SEMA5A: variants seen among roughly 807,000 people sequenced by gnomAD.
The protein encoded by SEMA5A is semaphorin 5A.
In SEMA5A, 55 loss-of-function variants were observed where a neutral mutation model predicts 135.5. That is an observed-to-expected ratio of 0.41 (90% CI 0.33 to 0.51). The LOEUF is 0.51. SEMA5A is among the 20% of genes least tolerant of loss of function. The probability of loss-of-function intolerance (pLI) is 0.37; values close to 1 mark genes in which losing one functional copy is unlikely to be tolerated. For missense variants in SEMA5A, 1,290 were observed against 1,419.9 expected (o/e 0.91, Z 1.47); for synonymous variants, 580 against 546.5 (o/e 1.06, Z -0.85).
intron 2 of SEMA5A, among the ~76,000 whole-genome samples, chr5:9,434,925 A>C (rs1295736157): frequency 6.6e-6 from 1 of 152,224 alleles, no homozygotes; most frequent in Non-Finnish European, 1.5e-5. Flanking sequence ...AAATTGCTTA[A>C]AGAAACACAA....
intron 5 of SEMA5A, among the ~76,000 whole-genome samples, chr5:9,251,446 G>T (rs1174791061): frequency 1.3e-5 from 2 of 152,080 alleles, no homozygotes; most frequent in Non-Finnish European, 2.9e-5. Context: ...CAGCTGTACT[G>T]TGTCTCAATT....
intron 4 of SEMA5A, among the ~76,000 whole-genome samples, chr5:9,331,183 A>C (rs1311958758): frequency 6.6e-6 from 1 of 152,206 alleles, no homozygotes; most frequent in Non-Finnish European, 1.5e-5. Context: ...TATTGCCTCC[A>C]AAAGAGTAAT....
intron 1 of SEMA5A, among the ~76,000 whole-genome samples, chr5:9,441,088 C>A (rs1344090404): frequency 1.3e-5 from 2 of 152,218 alleles, no homozygotes; most frequent in Non-Finnish European, 2.9e-5. Context: ...TCATCAGTCC[C>A]TCCGTTAATC....
chr5:9,107,884 T>C (rs1375447887), intron 16 of SEMA5A, among the ~76,000 whole-genome samples: 2 of 152,130 alleles, frequency 1.3e-5, no homozygotes, highest in Non-Finnish European at 2.9e-5. Context: ...ACATCCAGTG[T>C]CTGGACATGT....
chr5:9,536,602 G>C lies in SEMA5A; in HGVS notation c.-175+8982C>G, dbSNP rs200494273. On this transcript the variant is annotated intron_variant, in intron 1 of 22. Coordinates refer to ENST00000382496, the MANE Select transcript of SEMA5A (RefSeq NM_003966.3). ...CACTCCAGCCTGGAGAACAGAACAA[G>C]ACTCCGTCTCAAAAAAGAAAAAAAA... 2.1e-5 allele frequency among the ~76,000 whole-genome samples: 3 copies of C among 144,674 alleles called. No individual in the cohort carries two copies. The South Asian group carries it at 6.7e-4, about 32-fold the overall frequency. 94.9% of individuals were successfully genotyped at this position (144,674 alleles called of 152,430 possible).
At chr5:9,216,739 T>A (rs1055989479) in intron 8 of SEMA5A, among the ~76,000 whole-genome samples, 1 of 152,208 alleles carries the variant, frequency 6.6e-6, no homozygotes, top group Non-Finnish European at 1.5e-5. Context: ...ATGTAATGCC[T>A]GTCTTTGTCT....
At chr5:9,396,979 G>A (rs1183813613) in intron 2 of SEMA5A, among the ~76,000 whole-genome samples, 1 of 151,822 alleles carries the variant, frequency 6.6e-6, no homozygotes, top group African/African-American at 2.4e-5. Context: ...ATTATTATGT[G>A]TTACAAGCAT....
chr5:9,120,471 A>G (rs1348877404), intron 14 of SEMA5A, among the ~76,000 whole-genome samples: 2 of 152,138 alleles, frequency 1.3e-5, no homozygotes, highest in African/African-American at 2.4e-5. Context: ...AGCTTTATGT[A>G]TGATATTATA....
At chr5:9,202,395 A>G (rs527787717) in intron 8 of SEMA5A, among the ~76,000 whole-genome samples, 155 bp from the exon 9 acceptor site, 1 of 152,288 alleles carries the variant, frequency 6.6e-6, no homozygotes, top group East Asian at 1.9e-4. Flanking sequence ...CAGCTTAATG[A>G]TCTACACTGT....
chr5:9,477,035 G>T (rs1759695242), intron 1 of SEMA5A, among the ~76,000 whole-genome samples: 2 of 152,152 alleles, frequency 1.3e-5, no homozygotes, highest in African/African-American at 4.8e-5. Context: ...GGTAGGAGAT[G>T]ATTGGATCCT....
chr5:9,472,149 C>A (rs866590548), intron 1 of SEMA5A, among the ~76,000 whole-genome samples: 3 of 152,338 alleles, frequency 2.0e-5, no homozygotes, highest in Middle Eastern at 6.8e-3. Flanking sequence ...CTCATTGCTT[C>A]TATCTCTCAA....
intron 5 of SEMA5A, among the ~76,000 whole-genome samples, chr5:9,277,953 T>C (rs1409721559): frequency 1.3e-5 from 2 of 152,046 alleles, no homozygotes; most frequent in African/African-American, 4.8e-5. Context: ...GAACTTAAAG[T>C]ATAATAATAA....
intron 1 of SEMA5A, among the ~76,000 whole-genome samples, chr5:9,506,202 C>T (rs1397357836): frequency 4.6e-5 from 7 of 152,162 alleles, no homozygotes; most frequent in Non-Finnish European, 4.4e-5. Context: ...AATGGGGACA[C>T]TCTTTTAGCA....
chr5:9,289,900 T>C (rs1001290287), intron 5 of SEMA5A, among the ~76,000 whole-genome samples: 1 of 152,114 alleles, frequency 6.6e-6, no homozygotes, highest in Non-Finnish European at 1.5e-5. Flanking sequence ...GGGTTAAAAG[T>C]ACACATAAGA....
At chr5:9,244,681 T>C (rs1425185064) in intron 5 of SEMA5A, among the ~76,000 whole-genome samples, 1 of 152,014 alleles carries the variant, frequency 6.6e-6, no homozygotes, top group Non-Finnish European at 1.5e-5. Flanking sequence ...TATCTAGCTG[T>C]TAAACAAATT....
chr5:9,258,898 T>G (rs537361448), intron 5 of SEMA5A, among the ~76,000 whole-genome samples: 74 of 129,870 alleles, frequency 5.7e-4, no homozygotes, highest in South Asian at 1.1e-3. Context: ...CACTGGAACC[T>G]CTGCCTCCTG....
intron 1 of SEMA5A, among the ~76,000 whole-genome samples, chr5:9,526,308 G>A (rs917125064): frequency 2.6e-5 from 4 of 152,148 alleles, no homozygotes; most frequent in African/African-American, 9.7e-5. Flanking sequence ...AAAGCCAAGT[G>A]GGATGTGTTG....
At chr5:9,301,539 T>C (rs754063670) in intron 5 of SEMA5A, among the ~76,000 whole-genome samples, 1 of 152,156 alleles carries the variant, frequency 6.6e-6, no homozygotes, top group Non-Finnish European at 1.5e-5. Context: ...TACAATGGCC[T>C]CTGTTGGGCC....
intron 11 of SEMA5A, 99 bp from the exon 12 acceptor site, chr5:9,154,794 C>T (rs2150262802): frequency 9.3e-7 from 1 of 1,076,746 alleles, no homozygotes; most frequent in East Asian, 2.4e-5. Flanking sequence ...CATGGATCTT[C>T]AGCCAGGAAA....
Sources: allele counts gnomAD v4.1 joint callset (sites outside exome capture counted in the v4.1 genomes callset), GRCh38; gene constraint gnomAD v4.1.1; transcripts MANE v1.5; gene names NCBI Gene and HGNC (gene_info 2026-07-23, HGNC 2026-07-21).